Variants in DST observed in about 807,000 individuals in gnomAD.
DST encodes dystonin.
Under a neutral mutation model 875.2 loss-of-function variants are expected in DST, and 253 were observed. The ratio of observed to expected loss-of-function variants is 0.29; its 90% CI spans 0.26 to 0.32. The LOEUF is 0.32. Ranked by LOEUF, DST falls within the 10% of genes least tolerant of loss-of-function variation. The probability of loss-of-function intolerance (pLI) is 1.00; values close to 1 mark genes in which losing one functional copy is unlikely to be tolerated. For missense variants in DST, 8,287 were observed against 9,111.6 expected, an observed-to-expected ratio of 0.91 and a Z score of 3.68; for synonymous variants, 3,124 against 3,197.1, an observed-to-expected ratio of 0.98 and a Z score of 0.77.
rs374583527 is a variant in DST at position 56,601,642 on chromosome 6, T to C, written c.11342A>G (p.Gln3781Arg). 2 of 1,590,274 alleles carry C rather than the reference T, an allele frequency of 1.3e-6. No homozygotes were observed. Among genetic ancestry groups the C allele is most frequent in the African/African-American group, 1.3e-5 (1 of 74,562 alleles). The change falls in exon 44 of 104, where the codon CAG becomes CGG. Residue 3781 changes from glutamine to arginine, a missense_variant. Physicochemically the swap from Gln to Arg is conservative, Grantham distance 43 (BLOSUM62 1). Around this residue, in one of 10 missense-constraint regions of DST, gnomAD observed 3,138 missense variants for 3,116.6 expected, o/e 1.01. Coordinates refer to ENST00000680361, the MANE Select transcript of DST (RefSeq NM_001374736.1). ...CACATCAAAGGCAGTAGTCTCCAGC[T>C]GCATTTTGGTATGTCCAAGGTCTTT... ...VLKDLGHTKMQLETTAFDVQF... is the reference protein window; with the variant it reads ...VLKDLGHTKMRLETTAFDVQF...
At chr6:56,688,490 T>C (rs903514471) in intron 9 of DST, among the ~76,000 whole-genome samples, 6 of 152,208 alleles carry the variant, frequency 3.9e-5, no homozygotes, top group African/African-American at 1.4e-4. Context: ...ATAAAAATAT[T>C]CAATTCTTCA....
At chr6:56,643,087 A>T (rs2098921757) in intron 15 of DST, 1 of 419,606 alleles carries the variant, frequency 2.4e-6, no homozygotes, top group African/African-American at 2.0e-5. Flanking sequence ...ACTGGAAAGG[A>T]TATGCCAAAT....
chr6:56,544,200 G>C (rs919949656), intron 61 of DST, among the ~76,000 whole-genome samples: 1 of 152,156 alleles, frequency 6.6e-6, no homozygotes, highest in Admixed American at 6.5e-5. Context: ...GGAAATAGTA[G>C]AGGCCAAGAG....
chr6:56,844,391 C>G (rs1254218648), intron 4 of DST, among the ~76,000 whole-genome samples: 1 of 152,192 alleles, frequency 6.6e-6, no homozygotes, highest in African/African-American at 2.4e-5. Flanking sequence ...CACAACTGCC[C>G]CATATTTATC....
At chr6:56,685,831 T>G (rs904531363) in intron 9 of DST, among the ~76,000 whole-genome samples, 2 of 152,194 alleles carry the variant, frequency 1.3e-5, no homozygotes, top group Non-Finnish European at 2.9e-5. Flanking sequence ...GGGATGCTTA[T>G]ACACTGTTAG....
Position 56,459,030 on chromosome 6 carries a change from T to C in DST, c.23432A>G (p.Lys7811Arg), listed in dbSNP as rs201891015. 675 of 1,612,186 alleles carry C rather than the reference T, an allele frequency of 4.2e-4. 1 individual carries two copies. Among genetic ancestry groups the C allele is most frequent in the Non-Finnish European group, 5.2e-4 (612 of 1,178,508 alleles). Residue 7811 changes from lysine (K) to arginine (R), a missense_variant, in exon 104 of 104, where the codon AAA becomes AGA. Around this residue, in one of 10 missense-constraint regions of DST, gnomAD observed 240 missense variants for 237.3 expected, o/e 1.01. Transcript: ENST00000680361. ...CTATCTCTTTGAGGACTTGTCCAAT[T>C]TGCTGGCAGGTGATTTCCTCTGGGG... ...PTPQRKSPASKLDKSSKR is the reference protein window; with the variant it reads ...PTPQRKSPASRLDKSSKR
chr6:56,854,545 T>C (rs1018539536), intron 3 of DST, among the ~76,000 whole-genome samples: 6 of 152,204 alleles, frequency 3.9e-5, no homozygotes, highest in Non-Finnish European at 8.8e-5. Flanking sequence ...AAATAATTCA[T>C]AAAGAATGAT....
intron 3 of DST, among the ~76,000 whole-genome samples, chr6:56,870,122 G>A (rs1776305146): frequency 6.6e-6 from 1 of 152,178 alleles, no homozygotes; most frequent in South Asian, 2.1e-4. Flanking sequence ...GACAGGACTA[G>A]CTGGATTTCC....
chr6:56,586,682 T>G (rs2098159436), intron 49 of DST, among the ~76,000 whole-genome samples: 1 of 152,090 alleles, frequency 6.6e-6, no homozygotes, highest in Non-Finnish European at 1.5e-5. Flanking sequence ...GACTGACACC[T>G]CACACGGCCA....
chr6:56,717,928 C>G (rs553670722), intron 5 of DST, among the ~76,000 whole-genome samples: 3 of 152,210 alleles, frequency 2.0e-5, no homozygotes, highest in Non-Finnish European at 4.4e-5. Flanking sequence ...TCTTCTATTG[C>G]AATTCCCCTG....
At chr6:56,698,036 G>A (rs937914079) in intron 9 of DST, among the ~76,000 whole-genome samples, 2 of 152,042 alleles carry the variant, frequency 1.3e-5, no homozygotes, top group African/African-American at 4.8e-5. Context: ...TCCAGTTCTG[G>A]TTACTGGCTC....
In DST at chr6:56,609,261, A is replaced by C; in HGVS notation, c.5367T>G (p.Ile1789Met). The C allele has an allele frequency of 6.2e-7, 1 of 1,613,664 alleles. No homozygotes were observed. Among genetic ancestry groups the C allele is most frequent in the Non-Finnish European group, 8.5e-7 (1 of 1,179,694 alleles). Residue 1789 changes from isoleucine (I) to methionine (M), a missense_variant, in exon 40 of 104, where the codon ATT becomes ATG. Ile to Met is a conservative substitution (Grantham distance 10). Coordinates refer to ENST00000680361, the MANE Select transcript of DST (RefSeq NM_001374736.1). ...GCAACCTAATTCCTGTGTCATAGTC[A>C]ATGAGGCCTCTTAAAACTGCTTGAA... ...SVFQAVLRGL[I>M]DYDTGIRLLE...
At chr6:56,911,037 T>TTTTG (rs1798630838) in intron 2 of DST, among the ~76,000 whole-genome samples, 1 of 152,242 alleles carries the variant, frequency 6.6e-6, no homozygotes, top group Admixed American at 6.5e-5. Flanking sequence ...CCACAGTCCC[T>TTTTG]GCTGCCTGAG....
intron 3 of DST, among the ~76,000 whole-genome samples, chr6:56,864,789 G>C (rs1773125164): frequency 6.6e-6 from 1 of 151,958 alleles, no homozygotes; most frequent in African/African-American, 2.4e-5. Context: ...CGAGTACTTA[G>C]AATTGCAGTG....
In DST at chr6:56,478,064, AT is replaced by A. The variant is rs1162842185; in HGVS notation, c.21532-577del. On this transcript the variant is annotated intron_variant, in intron 90 of 103. Transcript: ENST00000680361. ...TTCAAAAACTGTATTATACAAAAAA[AT>A]AACTCTCCCAAATTTAGATATAATT... 4.0e-5 allele frequency among the ~76,000 whole-genome samples: 6 copies of A among 151,114 alleles called. No homozygotes were observed. In the Middle Eastern group the frequency reaches 0.01, roughly 261 times the overall value.
At chr6:56,935,739 AAC>A (rs1314737846) in intron 2 of DST, among the ~76,000 whole-genome samples, 1 of 152,172 alleles carries the variant, frequency 6.6e-6, no homozygotes, top group East Asian at 1.9e-4. Context: ...CATCCTGGCC[AAC>A]ATGGTGAAAA....
rs6899320 is a variant in DST, at chr6:56,465,884, A to G, written c.22687+194T>C. On this transcript the variant is annotated intron_variant, in intron 99 of 103. Coordinates refer to ENST00000680361, the MANE Select transcript of DST (RefSeq NM_001374736.1). ...AGAAAAAGTAAAAAAAAAAAAAAAA[A>G]AGAAAGAAAAAAATGAGAAGAATAT... 0.038 allele frequency among the ~76,000 whole-genome samples: 5,694 copies of G among 150,400 alleles called. 328 individuals carry two copies. Among genetic ancestry groups the G allele is most frequent in the African/African-American group, 0.13 (5,401 of 40,664 alleles).
chr6:56,755,650 T>C (rs1327640137), intron 4 of DST, among the ~76,000 whole-genome samples: 1 of 152,220 alleles, frequency 6.6e-6, no homozygotes, highest in Non-Finnish European at 1.5e-5. Flanking sequence ...TTTGATGATG[T>C]AAAGTTTAAG....
intron 36 of DST, chr6:56,618,510 C>T: frequency 6.2e-7 from 1 of 1,614,186 alleles, no homozygotes; most frequent in Non-Finnish European, 8.5e-7. Context: ...AGGTTTTCAA[C>T]CTCACGCTTC....
Sources: gnomAD v4.1 joint callset for allele counts (sites outside exome capture counted in the v4.1 genomes callset) on GRCh38, gnomAD v4.1.1 for gene constraint, gnomAD v4.1.1 regional missense constraint, MANE v1.5 for transcripts, NCBI Gene and HGNC (gene_info 2026-07-23, HGNC 2026-07-21) for gene names.